The following LAMB4 variants were observed in gnomAD, a reference collection of about 807,000 sequenced individuals.
The protein encoded by LAMB4 is laminin subunit beta-4.
A neutral mutation model predicts 199.2 loss-of-function variants in LAMB4; 196 were observed. That is an observed-to-expected ratio of 0.98 (90% CI 0.88 to 1.11). LAMB4 has a LOEUF of 1.11. Ranked by LOEUF, LAMB4 falls within the 50% of genes least tolerant of loss-of-function variation. LAMB4 has a pLI of 0.00. For missense variants in LAMB4, 2,080 were observed against 2,171.2 expected, an observed-to-expected ratio of 0.96 and a Z score of 0.83; for synonymous variants, 744 against 770.6, an observed-to-expected ratio of 0.97 and a Z score of 0.57.
intron 21 of LAMB4, among the ~76,000 whole-genome samples, chr7:108,065,450 T>C (rs2036302199): frequency 6.6e-6 from 1 of 152,244 alleles, no homozygotes; most frequent in African/African-American, 2.4e-5. Context: ...CTTTATCACA[T>C]TTATATCTTA....
At chr7:108,113,008 C>G in intron 3 of LAMB4, among the ~76,000 whole-genome samples, 1 of 152,314 alleles carries the variant, frequency 6.6e-6, no homozygotes, top group South Asian at 2.1e-4. Flanking sequence ...TTTTTAAGCA[C>G]TTAGAGTCAG....
rs1344643166 is a variant in LAMB4, at chr7:108,124,247, C to A, written c.-33-1050G>T. 2.0e-5 allele frequency among the ~76,000 whole-genome samples: 3 copies of A among 152,114 alleles called. No homozygotes were observed. In the East Asian group the frequency reaches 5.8e-4, roughly 29 times the overall value. On this transcript the variant is annotated intron_variant, in intron 1 of 33. Coordinates refer to ENST00000388781, the MANE Select transcript of LAMB4 (RefSeq NM_007356.3). ...AGATGGACAACAGTATTTTTAATTA[C>A]TGCATAGTATTAGTCTGAATGTAGA...
At chr7:108,045,061 A>T (rs1351950943) in intron 28 of LAMB4, among the ~76,000 whole-genome samples, 1 of 152,140 alleles carries the variant, frequency 6.6e-6, no homozygotes, top group Admixed American at 6.5e-5. Context: ...GATTTTTAAG[A>T]AAAGGATTTA....
At chr7:108,109,296 T>G (rs1584771360) in intron 4 of LAMB4, 52 bp from the exon 5 acceptor site, 1 of 1,290,484 alleles carries the variant, frequency 7.7e-7, no homozygotes, top group East Asian at 2.3e-5. Context: ...AGACTTCTGC[T>G]TATCATGTTA....
At chr7:108,058,818 G>A (rs911791127) in intron 23 of LAMB4, among the ~76,000 whole-genome samples, 5 of 151,982 alleles carry the variant, frequency 3.3e-5, no homozygotes, top group African/African-American at 9.7e-5. Flanking sequence ...CACCACACCC[G>A]GCAATTTTTT....
At chr7:108,068,352 G>A (rs1034904963) in intron 18 of LAMB4, among the ~76,000 whole-genome samples, 193 bp from the exon 19 acceptor site, 1 of 152,172 alleles carries the variant, frequency 6.6e-6, no homozygotes, top group Admixed American at 6.5e-5. Flanking sequence ...TAAGTTCTGC[G>A]AAGTAGTTAG....
intron 23 of LAMB4, among the ~76,000 whole-genome samples, chr7:108,060,770 T>G (rs906421806): frequency 6.6e-6 from 1 of 152,176 alleles, no homozygotes; most frequent in African/African-American, 2.4e-5. Context: ...AATGGTCGAA[T>G]GAATGAATAA....
chr7:108,097,506 C>T (rs984425690), intron 11 of LAMB4, among the ~76,000 whole-genome samples: 4 of 152,208 alleles, frequency 2.6e-5, no homozygotes, highest in Non-Finnish European at 5.9e-5. Context: ...TAAAAAGAGG[C>T]CGGGCATGGC....
Position 108,023,753 on chromosome 7 carries a change from G to T in LAMB4, c.*286C>A. 1 of 217,664 alleles carries T rather than the reference G, an allele frequency of 4.6e-6. No homozygotes were observed. The highest frequency in any genetic ancestry group is 8.9e-6 in the Non-Finnish European group (1 of 112,218). The allele number at this position is 217,664 out of a possible 1,614,324, so 13.5% of individuals were successfully genotyped here. A position where few individuals can be genotyped will look rare whatever the true frequency, so the allele number is the denominator to read the frequency against. On this transcript the variant is annotated 3_prime_UTR_variant, in exon 34 of 34. Transcript: ENST00000388781. The stretch of plus-strand genomic sequence containing the variant: ...AGAGTACTTACTTAAATTTCTACTT[G>T]TTATATGGAAACTGTTATTTTTAAG...
chr7:108,046,589 A>C (rs1222865399), intron 28 of LAMB4, among the ~76,000 whole-genome samples: 1 of 152,152 alleles, frequency 6.6e-6, no homozygotes, highest in Non-Finnish European at 1.5e-5. Context: ...CTCAAAAAAA[A>C]AGTCTAAAGA....
intron 22 of LAMB4, 29 bp from the exon 23 acceptor site, chr7:108,063,023 A>G (rs772808984): frequency 3.5e-6 from 5 of 1,428,296 alleles, no homozygotes; most frequent in Non-Finnish European, 4.7e-6. Flanking sequence ...CATCAGAGGT[A>G]AATTCAATGA....
At chr7:108,015,195 C>T in the LAMB4 span, among the ~76,000 whole-genome samples, 1 of 152,160 alleles carries the variant, frequency 6.6e-6, no homozygotes, top group Non-Finnish European at 1.5e-5. Context: ...TCATATTTTG[C>T]CTTCCCTAGA....
chr7:108,058,957 G>T (rs535551341), intron 23 of LAMB4, among the ~76,000 whole-genome samples: 2 of 152,004 alleles, frequency 1.3e-5, no homozygotes, highest in African/African-American at 4.8e-5. Context: ...GATCTGCCAC[G>T]TTTCAATATC....
At chr7:108,036,416 G>C (rs1209281146) in intron 30 of LAMB4, among the ~76,000 whole-genome samples, 1 of 152,076 alleles carries the variant, frequency 6.6e-6, no homozygotes, top group African/African-American at 2.4e-5. Context: ...TCGAATTCCT[G>C]ACCGCAGGTG....
intron 14 of LAMB4, among the ~76,000 whole-genome samples, chr7:108,089,367 C>T (rs1019902812): frequency 5.9e-5 from 9 of 152,204 alleles, no homozygotes; most frequent in Non-Finnish European, 1.3e-4. Context: ...TATTTACACT[C>T]CCTGCTGTAC....
rs140193286 is a variant in LAMB4 at position 108,095,465 on chromosome 7, T to C, written c.1361-128A>G. The C allele has an allele frequency of 6.9e-5, 47 of 677,332 alleles. No homozygotes were observed. In the Middle Eastern group the frequency reaches 1.5e-3, roughly 22 times the overall value. 42.0% of individuals were successfully genotyped at this position (677,332 alleles called of 1,614,324 possible). ...AGAGAAGCCTGCCCTGCCAGGTTTA[T>C]TGTGTGCCTGGCTGCGTGATTATTG... On this transcript the variant is annotated intron_variant, in intron 11 of 33. Coordinates refer to ENST00000388781, the MANE Select transcript of LAMB4 (RefSeq NM_007356.3).
intron 22 of LAMB4, among the ~76,000 whole-genome samples, chr7:108,063,528 A>G (rs2036236329): frequency 6.6e-6 from 1 of 152,234 alleles, no homozygotes; most frequent in African/African-American, 2.4e-5. Context: ...CAACAGACAC[A>G]AAAGGCAAAC....
At chr7:108,079,540 ACAGTTCAAGAATGTATTTCTGT>A in intron 15 of LAMB4, 39 bp downstream of exon 15, 1 of 1,333,196 alleles carries the variant, frequency 7.5e-7, no homozygotes, top group Admixed American at 2.3e-5. Context: ...TGAAATGGAA[ACAGTTCAAGAATGTATTTCTGT>A]CAGCTTTTCA....
intron 9 of LAMB4, 27 bp downstream of exon 9, chr7:108,104,472 C>T (rs1296197352): frequency 6.2e-7 from 1 of 1,613,200 alleles, no homozygotes; most frequent in African/African-American, 1.3e-5. Flanking sequence ...CACACTCAGT[C>T]TATGCAGGGA....
Sources: allele counts gnomAD v4.1 joint callset (sites outside exome capture counted in the v4.1 genomes callset), GRCh38; gene constraint gnomAD v4.1.1; transcripts MANE v1.5; gene names NCBI Gene and HGNC (gene_info 2026-07-23, HGNC 2026-07-21).